CMTM8: variants seen among roughly 807,000 people sequenced by gnomAD.
CMTM8 encodes CKLF-like MARVEL transmembrane domain-containing protein 8.
In CMTM8, 12 loss-of-function variants were observed where a neutral mutation model predicts 18.6. That is an observed-to-expected ratio of 0.65 (90% CI 0.41 to 1.05). CMTM8 has a LOEUF of 1.05. Ranked by LOEUF, CMTM8 falls within the 50% of genes least tolerant of loss-of-function variation. The pLI is 0.00. For missense variants in CMTM8, 217 were observed against 227.2 expected, an observed-to-expected ratio of 0.95 and a Z score of 0.29; for synonymous variants, 87 against 90.6, an observed-to-expected ratio of 0.96 and a Z score of 0.23.
chr3:32,238,826 C>G lies in CMTM8; in HGVS notation c.-147C>G, dbSNP rs1422585478. Reference sequence around the variant, plus strand: ...GGACACCCGCCGCGCCTGGACAGCCCCCGGCGGGCGCCCCCCTCGCACCTC... The same window carrying G: ...GGACACCCGCCGCGCCTGGACAGCCGCCGGCGGGCGCCCCCCTCGCACCTC... On this transcript the variant is annotated 5_prime_UTR_variant, in exon 1 of 4. Coordinates refer to ENST00000307526, the MANE Select transcript of CMTM8 (RefSeq NM_178868.5). 3.8e-6 allele frequency: 2 copies of G among 527,758 alleles called. No homozygotes were observed. The highest frequency in any genetic ancestry group is 5.7e-6 in the Non-Finnish European group (2 of 352,952). The allele number at this position is 527,758 out of a possible 1,614,324, so 32.7% of individuals were successfully genotyped here. A position where few individuals can be genotyped will look rare whatever the true frequency, so the allele number is the denominator to read the frequency against.
At chr3:32,345,198 G>C (rs1347999269) in intron 1 of CMTM8, among the ~76,000 whole-genome samples, 2 of 152,044 alleles carry the variant, frequency 1.3e-5, no homozygotes, top group East Asian at 3.9e-4. Context: ...AAAATTACCT[G>C]AGTGTGGTGG....
intron 1 of CMTM8, among the ~76,000 whole-genome samples, chr3:32,283,781 G>A (rs4305450): frequency 0.21 from 32,098 of 152,080 alleles, 3,591 homozygotes; most frequent in African/African-American, 0.28. Flanking sequence ...AAGAAATGAG[G>A]CAATCCAGGC....
chr3:32,345,386 A>G (rs776157468), intron 1 of CMTM8, among the ~76,000 whole-genome samples: 4 of 152,212 alleles, frequency 2.6e-5, no homozygotes, highest in Non-Finnish European at 5.9e-5. Context: ...TCTTCATAGA[A>G]AAACACACAT....
At chr3:32,329,376 A>T (rs1000903247) in intron 1 of CMTM8, among the ~76,000 whole-genome samples, 1 of 152,194 alleles carries the variant, frequency 6.6e-6, no homozygotes, top group East Asian at 1.9e-4. Context: ...TCGTTAAAAA[A>T]TTCTGAACAA....
At chr3:32,262,851 A>C (rs1702275462) in intron 1 of CMTM8, among the ~76,000 whole-genome samples, 1 of 152,248 alleles carries the variant, frequency 6.6e-6, no homozygotes, top group African/African-American at 2.4e-5. Flanking sequence ...ATGAGTGGTC[A>C]TATCAGCTTC....
At chr3:32,334,924 G>A (rs566620099) in intron 1 of CMTM8, among the ~76,000 whole-genome samples, 1 of 152,216 alleles carries the variant, frequency 6.6e-6, no homozygotes, top group Admixed American at 6.5e-5. Flanking sequence ...CCTTCCAGAA[G>A]GTGAGGCCAA....
intron 1 of CMTM8, among the ~76,000 whole-genome samples, chr3:32,293,513 A>G (rs62243307): frequency 2.6e-5 from 4 of 152,234 alleles, no homozygotes; most frequent in Non-Finnish European, 5.9e-5. Flanking sequence ...GTGCCACTGC[A>G]TTCCAGCCTG....
chr3:32,314,960 A>G (rs73824666), intron 1 of CMTM8, among the ~76,000 whole-genome samples: 1,924 of 151,990 alleles, frequency 0.013, 46 homozygotes, highest in African/African-American at 0.042. Context: ...TGAAAACTTA[A>G]TAAGTGGCAA....
At chr3:32,320,857 A>G (rs1256199218) in intron 1 of CMTM8, among the ~76,000 whole-genome samples, 2 of 152,064 alleles carry the variant, frequency 1.3e-5, no homozygotes, top group Non-Finnish European at 2.9e-5. Flanking sequence ...CACCCATGAA[A>G]CGGTGGTGAC....
chr3:32,266,442 A>T (rs910281137), intron 1 of CMTM8, among the ~76,000 whole-genome samples: 9 of 152,234 alleles, frequency 5.9e-5, no homozygotes, highest in African/African-American at 1.9e-4. Flanking sequence ...TTAGGTATTG[A>T]TGGGACGTAT....
rs1402704192 is a variant in CMTM8 at position 32,369,953 on chromosome 3, A to G, written c.508A>G (p.Arg170Gly). ...TYFSFIAWRS[R>G]TIQ Reference sequence around the variant, plus strand: ...TTTCAGTTTTATAGCATGGAGATCCAGGACCATACAGTGATTTACCATTTT... The same window carrying G: ...TTTCAGTTTTATAGCATGGAGATCCGGGACCATACAGTGATTTACCATTTT... Residue 170 changes from arginine (R) to glycine (G), a missense_variant, in exon 4 of 4, where the codon AGG becomes GGG. Transcript: ENST00000307526. The G allele has an allele frequency of 1.9e-6, 3 of 1,588,274 alleles. No individual in the cohort carries two copies. Among genetic ancestry groups the G allele is most frequent in the Non-Finnish European group, 2.6e-6 (3 of 1,160,910 alleles).
intron 1 of CMTM8, among the ~76,000 whole-genome samples, chr3:32,330,607 G>A (rs553432260): frequency 3.3e-5 from 5 of 152,172 alleles, no homozygotes; most frequent in South Asian, 2.1e-4. Context: ...AGTAATATAC[G>A]CTCATATATG....
intron 1 of CMTM8, among the ~76,000 whole-genome samples, chr3:32,267,969 A>G (rs552317956): frequency 1.8e-3 from 267 of 152,310 alleles, no homozygotes; most frequent in Middle Eastern, 3.4e-3. Context: ...GATGTGGAGA[A>G]ATAGGAACAC....
chr3:32,255,787 T>A (rs2125534247), intron 1 of CMTM8, among the ~76,000 whole-genome samples: 1 of 152,254 alleles, frequency 6.6e-6, no homozygotes, highest in East Asian at 1.9e-4. Flanking sequence ...TGCAGTGACA[T>A]GATCTTGGCT....
intron 1 of CMTM8, among the ~76,000 whole-genome samples, chr3:32,240,006 A>G (rs75409104): frequency 0.013 from 2,001 of 152,340 alleles, 42 homozygotes; most frequent in Middle Eastern, 0.054. Context: ...GGCCGTGCTC[A>G]TAACTGCAAG....
intron 1 of CMTM8, among the ~76,000 whole-genome samples, chr3:32,275,644 CTTT>C (rs771943263): frequency 4.1e-4 from 32 of 78,102 alleles, no homozygotes; most frequent in Middle Eastern, 7.8e-3. Flanking sequence ...CATGTACTTC[CTTT>C]TTTTTTTTTT....
At chr3:32,345,507 G>A (rs1327414312) in intron 1 of CMTM8, among the ~76,000 whole-genome samples, 1 of 152,160 alleles carries the variant, frequency 6.6e-6, no homozygotes, top group African/African-American at 2.4e-5. Context: ...GTTTAGCTGT[G>A]TTAGTAATAC....
intron 1 of CMTM8, chr3:32,259,668 A>G (rs567090945): frequency 5.3e-6 from 7 of 1,316,584 alleles, no homozygotes; most frequent in Middle Eastern, 5.0e-4. Flanking sequence ...AAATCTCAGG[A>G]CCTTGCCAAG....
At chr3:32,276,085 T>G (rs1361314159) in intron 1 of CMTM8, among the ~76,000 whole-genome samples, 1 of 152,180 alleles carries the variant, frequency 6.6e-6, no homozygotes, top group Non-Finnish European at 1.5e-5. Context: ...TGGTTTTAGA[T>G]GTTGACCAAT....
Sources: allele counts gnomAD v4.1 joint callset (sites outside exome capture counted in the v4.1 genomes callset), GRCh38; gene constraint gnomAD v4.1.1; transcripts MANE v1.5; gene names NCBI Gene and HGNC (gene_info 2026-07-23, HGNC 2026-07-21).